ZNF154: variants seen among roughly 807,000 people sequenced by gnomAD.
ZNF154 encodes the protein zinc finger protein 154 (pHZ-92).
In ZNF154, 6 loss-of-function variants were observed where a neutral mutation model predicts 7.5. The ratio of observed to expected loss-of-function variants is 0.80; its 90% CI spans 0.44 to 1.57. The LOEUF is 1.57. Among genes scored for constraint, ZNF154 ranks in the 40% most tolerant of loss-of-function variants. ZNF154 has a pLI of 0.01. For synonymous variants in ZNF154, 187 were observed against 185.9 expected (o/e 1.01, Z -0.05); for missense variants, 485 against 531.4 (o/e 0.91, Z 0.86).
rs568934490 is a variant in ZNF154 at position 57,705,910 on chromosome 19, G to C, written c.34-931C>G. ...AAACTGTGGGATGCAAGCACTTTGA[G>C]AACAAAAGGATCAACTGCCCCCTGG... On this transcript the variant is annotated intron_variant, in intron 1 of 2. Transcript: ENST00000684351. 3.9e-5 allele frequency among the ~76,000 whole-genome samples: 6 copies of C among 152,310 alleles called. No homozygotes were observed. In the South Asian group the frequency reaches 1.2e-3, roughly 32 times the overall value.
intron 2 of ZNF154, among the ~76,000 whole-genome samples, chr19:57,704,411 T>C (rs566740640): frequency 3.0e-4 from 46 of 151,774 alleles, no homozygotes; most frequent in Non-Finnish European, 5.9e-4. Context: ...ACAAAGAAAA[T>C]TTCAGAGGAA....
chr19:57,703,698 G>A (rs960701320), intron 2 of ZNF154, among the ~76,000 whole-genome samples: 1 of 151,988 alleles, frequency 6.6e-6, no homozygotes, highest in Non-Finnish European at 1.5e-5. Context: ...TGCAGCAGCT[G>A]GCCTTCAAGG....
chr19:57,704,891 T>A lies in ZNF154; in HGVS notation c.122A>T (p.Asp41Val), dbSNP rs748114430. The A allele has an allele frequency of 1.2e-6, 2 of 1,613,514 alleles. No individual in the cohort carries two copies. Among genetic ancestry groups the A allele is most frequent in the South Asian group, 2.2e-5 (2 of 91,044 alleles). The change falls in exon 2 of 3, where the codon GAT becomes GTT. Residue 41 changes from aspartate (D) to valine (V), a missense_variant. Coordinates refer to ENST00000684351, the MANE Select transcript of ZNF154 (RefSeq NM_001085384.3). Reference protein sequence around the residue: ...LDEAQRCLYRDVMLENLALLT... With the variant: ...LDEAQRCLYRVVMLENLALLT... ...AAGAGCCAAGTTCTCCAGCATCACA[T>A]CACGGTACAGGCATCTTTGAGCCTC...
rs1282177182 is a variant in ZNF154 at position 57,701,293 on chromosome 19, A to G, written c.*342T>C. ...CACTGGTGGTCACCTGCCAGGCAGTAGAGGTAAAATGGCTTCCACTATAGT... is the reference window on the plus strand; with the variant it reads ...CACTGGTGGTCACCTGCCAGGCAGTGGAGGTAAAATGGCTTCCACTATAGT... On this transcript the variant is annotated 3_prime_UTR_variant, in exon 3 of 3. Coordinates refer to ENST00000684351, the MANE Select transcript of ZNF154 (RefSeq NM_001085384.3). 1.9e-5 allele frequency: 5 copies of G among 261,332 alleles called. No homozygotes were observed. In the East Asian group the frequency reaches 3.3e-4, roughly 17 times the overall value. The allele number at this position is 261,332 out of a possible 1,614,324, so 16.2% of individuals were successfully genotyped here. A position where few individuals can be genotyped will look rare whatever the true frequency, so the allele number is the denominator to read the frequency against.
Position 57,699,457 on chromosome 19 carries a change from C to T in ZNF154, c.*2178G>A. ...CAACTCACGATATAAACACATTTGG[C>T]CCAGGAACTGCTAACGAATGTACAG... On this transcript the variant is annotated 3_prime_UTR_variant, in exon 3 of 3. Coordinates refer to ENST00000684351, the MANE Select transcript of ZNF154 (RefSeq NM_001085384.3). The T allele has an allele frequency of 2.8e-6, 1 of 359,258 alleles. No homozygotes were observed. Among genetic ancestry groups the T allele is most frequent in the South Asian group, 2.1e-5 (1 of 47,548 alleles). The allele number at this position is 359,258 out of a possible 1,614,324, so 22.3% of individuals were successfully genotyped here.
At chr19:57,705,447 T>C (rs1296524513) in intron 1 of ZNF154, among the ~76,000 whole-genome samples, 4 of 152,092 alleles carry the variant, frequency 2.6e-5, no homozygotes, top group African/African-American at 9.7e-5. Context: ...AAACACACAA[T>C]ACCTGACACT....
rs1196916192 is a variant in ZNF154 at position 57,697,069 on chromosome 19, T to C, written c.*4566A>G. 6.6e-6 allele frequency among the ~76,000 whole-genome samples: 1 copy of C among 152,216 alleles called. No individual in the cohort carries two copies. The highest frequency in any genetic ancestry group is 1.5e-5 in the Non-Finnish European group (1 of 68,030). ...TTTGAGGACTTGTTGTTGTTTATCT[T>C]GAAAACGTGTGTAATGGGCTACATC... On this transcript the variant is annotated 3_prime_UTR_variant, in exon 3 of 3. Transcript: ENST00000684351.
Position 57,702,075 on chromosome 19 carries a change from G to A in ZNF154, c.874C>T (p.Gln292Ter), listed in dbSNP as rs1426302636. ...FTYHSSLIKH[Q>*]KVHSGSRPYE... Reference sequence around the variant, plus strand: ...GGCCTGGATCCACTGTGAACTTTCTGGTGTTTTATGAGACTGGAATGATAT... The same window carrying A: ...GGCCTGGATCCACTGTGAACTTTCTAGTGTTTTATGAGACTGGAATGATAT... Residue 292 changes from glutamine to a stop codon, truncating the protein, a stop_gained, in exon 3 of 3, where the codon CAG becomes TAG. Transcript: ENST00000684351. LOFTEE classifies it low-confidence loss of function (END_TRUNC). 6.2e-7 allele frequency: 1 copy of A among 1,612,524 alleles called. No homozygotes were observed. Among genetic ancestry groups the A allele is most frequent in the Non-Finnish European group, 8.5e-7 (1 of 1,179,892 alleles).
At position 57,698,042 on chromosome 19, in the gene ZNF154, A is replaced by C. The variant is rs34044039; in HGVS notation, c.*3593T>G. 0.15 allele frequency: 23,545 copies of C among 152,162 alleles called. 1,997 individuals are homozygous for C. Among genetic ancestry groups the C allele is most frequent in the Middle Eastern group, 0.2 (59 of 294 alleles). 9.4% of individuals were successfully genotyped at this position (152,162 alleles called of 1,614,324 possible). On this transcript the variant is annotated 3_prime_UTR_variant, in exon 3 of 3. Transcript: ENST00000684351. ...TCAAACTACTTTAAAAAACTACTCA[A>C]AATATCCATAACAAATGAATGAATG...
intron 1 of ZNF154, among the ~76,000 whole-genome samples, chr19:57,705,574 C>T (rs59648137): frequency 0.11 from 17,243 of 151,844 alleles, 1,842 homozygotes; most frequent in African/African-American, 0.29. Flanking sequence ...ACCAATATGG[C>T]GAAACCCCAT....
intron 1 of ZNF154, among the ~76,000 whole-genome samples, chr19:57,707,511 C>T (rs1196630547): frequency 6.6e-6 from 1 of 152,194 alleles, no homozygotes; most frequent in Non-Finnish European, 1.5e-5. Context: ...CCTGGACTGG[C>T]TGTAGCTTCC....
At position 57,699,378 on chromosome 19, in the gene ZNF154, A is replaced by G. The variant is rs11881954; in HGVS notation, c.*2257T>C. On this transcript the variant is annotated 3_prime_UTR_variant, in exon 3 of 3. Coordinates refer to ENST00000684351, the MANE Select transcript of ZNF154 (RefSeq NM_001085384.3). ...TGGGATTACAGGCGTGAGCCACCGC[A>G]CCCGGCTGAGATTTTCTTACTTGAG... The G allele has an allele frequency of 0.49, 110,033 of 223,552 alleles. 28,626 individuals carry two copies. The highest frequency in any genetic ancestry group is 0.66 in the East Asian group (5,048 of 7,608). 13.8% of individuals were successfully genotyped at this position (223,552 alleles called of 1,614,324 possible). A position where few individuals can be genotyped will look rare whatever the true frequency, so the allele number is the denominator to read the frequency against.
At chr19:57,702,899 C>T in intron 2 of ZNF154, 111 bp from the exon 3 acceptor site, 1 of 1,069,102 alleles carries the variant, frequency 9.4e-7, no homozygotes, top group Non-Finnish European at 1.3e-6. Flanking sequence ...GACCAGGCTA[C>T]ACGTCTCACA....
chr19:57,701,784 CA>C lies in ZNF154; in HGVS notation c.1164del (p.Ser388ArgfsTer86). 2 of 1,614,144 alleles carry C rather than the reference CA, an allele frequency of 1.2e-6. No homozygotes were observed. Among genetic ancestry groups the C allele is most frequent in the Non-Finnish European group, 1.7e-6 (2 of 1,180,024 alleles). ...VHTGSRPYEC[S>X]ECGKSFTQNS... is the part of the protein sequence containing the mutation. ...TTTTGAGTAAAGGATTTCCCACATT[CA>C]CTGCACTCATAGGGTCTTGATCCAG... is the stretch of plus-strand genomic sequence containing the variant. On this transcript the variant is annotated frameshift_variant, in exon 3 of 3. Transcript: ENST00000684351. LOFTEE classifies it low-confidence loss of function (END_TRUNC).
intron 1 of ZNF154, among the ~76,000 whole-genome samples, chr19:57,706,571 A>C (rs764034840): frequency 6.6e-6 from 1 of 152,224 alleles, no homozygotes; most frequent in Non-Finnish European, 1.5e-5. Context: ...CAAAGGAAAA[A>C]AAGGACAGCC....
chr19:57,696,707 TGA>T lies in ZNF154; in HGVS notation c.*4926_*4927del, dbSNP rs1291179000. ...AGTAGGGAATGGACAGTTTCAGTGT[TGA>T]GGCAGAGTGGCAAAGACAAGAGACC... On this transcript the variant is annotated 3_prime_UTR_variant, in exon 3 of 3. Coordinates refer to ENST00000684351, the MANE Select transcript of ZNF154 (RefSeq NM_001085384.3). Among the ~76,000 whole-genome samples, 1 of 152,104 alleles carries T rather than the reference TGA, an allele frequency of 6.6e-6. No homozygotes were observed. Among genetic ancestry groups the T allele is most frequent in the Non-Finnish European group, 1.5e-5 (1 of 68,030 alleles).
chr19:57,696,634 G>T lies in ZNF154; in HGVS notation c.*5001C>A, dbSNP rs956491479. Among the ~76,000 whole-genome samples the T allele has an allele frequency of 4.6e-5, 7 of 152,192 alleles. No individual in the cohort carries two copies. The highest frequency in any genetic ancestry group is 6.5e-5 in the Admixed American group (1 of 15,282). ...AAGACCCAGGGTGGTAACTTGCAGG[G>T]GGAGGCCAGAGCATGAAGGCAGAGG... On this transcript the variant is annotated 3_prime_UTR_variant, in exon 3 of 3. Coordinates refer to ENST00000684351, the MANE Select transcript of ZNF154 (RefSeq NM_001085384.3).
At chr19:57,703,460 G>A (rs1037603653) in intron 2 of ZNF154, among the ~76,000 whole-genome samples, 10 of 136,356 alleles carry the variant, frequency 7.3e-5, no homozygotes, top group African/African-American at 2.8e-4. Flanking sequence ...ACTCCAGCCT[G>A]GGTGACAGAA....
Position 57,702,568 on chromosome 19 carries a change from G to A in ZNF154, c.381C>T (p.His127=), listed in dbSNP as rs1421834448. 1 of 1,614,066 alleles carries A rather than the reference G, an allele frequency of 6.2e-7. No individual in the cohort carries two copies. Among genetic ancestry groups the A allele is most frequent in the Non-Finnish European group, 8.5e-7 (1 of 1,179,984 alleles). The change falls in exon 3 of 3, where the codon CAC becomes CAT. Residue 127 remains histidine, a synonymous_variant. Coordinates refer to ENST00000684351, the MANE Select transcript of ZNF154 (RefSeq NM_001085384.3). ...NSKSDGGAIS[H]RGKTHYNCGE... ...CACAGTTGTAATGAGTTTTTCCTCT[G>A]TGACTGATGGCCCCACCGTCGCTTT...
Sources: allele counts gnomAD v4.1 joint callset (sites outside exome capture counted in the v4.1 genomes callset), GRCh38; gene constraint gnomAD v4.1.1; transcripts MANE v1.5; gene names NCBI Gene and HGNC (gene_info 2026-07-23, HGNC 2026-07-21).